Variants in ST6GALNAC5 observed in about 807,000 individuals in gnomAD.
The protein encoded by ST6GALNAC5 is alpha-N-acetylgalactosaminide alpha-2,6-sialyltransferase 5.
A neutral mutation model predicts 33.6 loss-of-function variants in ST6GALNAC5; 27 were observed. The observed-to-expected ratio is 0.80, with a 90% confidence interval of 0.59 to 1.11. The LOEUF is 1.11. Ranked by LOEUF, ST6GALNAC5 falls within the 50% of genes least tolerant of loss-of-function variation. The pLI is 0.00. For synonymous variants in ST6GALNAC5, 194 were observed against 171.2 expected (o/e 1.13, Z -1.04); for missense variants, 428 against 454.0 (o/e 0.94, Z 0.52).
At chr1:76,890,965 A>G (rs1448936992) in intron 2 of ST6GALNAC5, among the ~76,000 whole-genome samples, 2 of 152,192 alleles carry the variant, frequency 1.3e-5, no homozygotes, top group African/African-American at 4.8e-5. Flanking sequence ...GAAAACCTCA[A>G]TTCTCATATC....
intron 2 of ST6GALNAC5, among the ~76,000 whole-genome samples, chr1:77,034,664 A>G (rs962333543): frequency 6.6e-6 from 1 of 152,198 alleles, no homozygotes; most frequent in Non-Finnish European, 1.5e-5. Context: ...GAAATGCTGT[A>G]TAGCGATTCC....
At chr1:76,917,717 G>A (rs190187749) in intron 2 of ST6GALNAC5, among the ~76,000 whole-genome samples, 14 of 152,010 alleles carry the variant, frequency 9.2e-5, no homozygotes, top group African/African-American at 3.4e-4. Flanking sequence ...TGATTATGAG[G>A]CTAAGAAGTC....
chr1:77,042,211 T>C (rs748825412), intron 2 of ST6GALNAC5, among the ~76,000 whole-genome samples: 1 of 152,252 alleles, frequency 6.6e-6, no homozygotes, highest in Non-Finnish European at 1.5e-5. Context: ...CCTAACACAG[T>C]TGTGGCTGAA....
intron 2 of ST6GALNAC5, among the ~76,000 whole-genome samples, chr1:76,975,704 G>C (rs1048993066): frequency 3.3e-5 from 5 of 152,118 alleles, no homozygotes; most frequent in African/African-American, 1.2e-4. Context: ...TTTGCATAAA[G>C]TTTAAACATG....
chr1:76,972,962 T>C (rs1224906715), intron 2 of ST6GALNAC5, among the ~76,000 whole-genome samples: 1 of 152,046 alleles, frequency 6.6e-6, no homozygotes, highest in Non-Finnish European at 1.5e-5. Context: ...GTTCATCTCT[T>C]TTGCCCATTT....
intron 2 of ST6GALNAC5, among the ~76,000 whole-genome samples, chr1:76,916,696 C>G (rs1181399375): frequency 6.6e-6 from 1 of 151,236 alleles, no homozygotes; most frequent in East Asian, 1.9e-4. Flanking sequence ...GTGTCATAAG[C>G]CTTTTAAAAA....
Position 76,968,611 on chromosome 1 carries a change from G to T in ST6GALNAC5, c.262-75593G>T, listed in dbSNP as rs150325151. On this transcript the variant is annotated intron_variant, in intron 2 of 4. Transcript: ENST00000477717. ...GGTTAGTATTGTTGTGTGTTAATGT[G>T]ATCCAGTCATTATGATGTTAGCTGG... 2.3e-4 allele frequency among the ~76,000 whole-genome samples: 35 copies of T among 152,282 alleles called. No individual in the cohort carries two copies. The East Asian group carries it at 6.0e-3, about 26-fold the overall frequency.
chr1:77,063,254 A>G lies in ST6GALNAC5; in HGVS notation c.*48A>G, dbSNP rs375087888. On this transcript the variant is annotated 3_prime_UTR_variant, in exon 5 of 5. Coordinates refer to ENST00000477717, the MANE Select transcript of ST6GALNAC5 (RefSeq NM_030965.3). ...ATCCCAGGTATTCACTGCATCAGAC[A>G]CCGAGACACTGAACTTCCTGAGCCA... The G allele has an allele frequency of 5.6e-4, 861 of 1,547,254 alleles. No homozygotes were observed. The highest frequency in any genetic ancestry group is 6.8e-4 in the Non-Finnish European group (763 of 1,124,640).
chr1:76,978,516 G>A (rs1391375038), intron 2 of ST6GALNAC5, among the ~76,000 whole-genome samples: 2 of 152,076 alleles, frequency 1.3e-5, no homozygotes, highest in Non-Finnish European at 2.9e-5. Flanking sequence ...ACATAACCAA[G>A]AATAAAAACT....
chr1:76,874,414 T>C (rs1653579272), intron 2 of ST6GALNAC5, among the ~76,000 whole-genome samples: 1 of 152,170 alleles, frequency 6.6e-6, no homozygotes, highest in African/African-American at 2.4e-5. Context: ...TGTAAAGAGA[T>C]AAAGCTAATA....
At chr1:76,985,994 AC>A (rs1649479552) in intron 2 of ST6GALNAC5, among the ~76,000 whole-genome samples, 1 of 152,228 alleles carries the variant, frequency 6.6e-6, no homozygotes, top group South Asian at 2.1e-4. Context: ...TATACCTTAT[AC>A]AAAAATTAAT....
At chr1:76,909,390 T>C (rs1368969241) in intron 2 of ST6GALNAC5, among the ~76,000 whole-genome samples, 1 of 152,116 alleles carries the variant, frequency 6.6e-6, no homozygotes, top group Non-Finnish European at 1.5e-5. Flanking sequence ...TAAAGGATCA[T>C]CTTGCAGGGT....
At chr1:76,883,357 A>G (rs533925160) in intron 2 of ST6GALNAC5, among the ~76,000 whole-genome samples, 1 of 152,276 alleles carries the variant, frequency 6.6e-6, no homozygotes, top group South Asian at 2.1e-4. Context: ...AGAATTGAAA[A>G]CTGTATCTCA....
chr1:76,900,595 C>T (rs1233329481), intron 2 of ST6GALNAC5, among the ~76,000 whole-genome samples: 1 of 152,068 alleles, frequency 6.6e-6, no homozygotes, highest in Non-Finnish European at 1.5e-5. Flanking sequence ...TTAATAAATT[C>T]CTTTGATACC....
At chr1:77,034,243 A>G (rs1228551930) in intron 2 of ST6GALNAC5, among the ~76,000 whole-genome samples, 1 of 151,678 alleles carries the variant, frequency 6.6e-6, no homozygotes, top group Non-Finnish European at 1.5e-5. Context: ...TTGCCAGCGA[A>G]TCCTCCGTGT....
At chr1:76,887,271 T>C (rs1258316011) in intron 2 of ST6GALNAC5, among the ~76,000 whole-genome samples, 1 of 152,236 alleles carries the variant, frequency 6.6e-6, no homozygotes, top group Non-Finnish European at 1.5e-5. Flanking sequence ...GGGGAAGTGT[T>C]CCCATACTCC....
At chr1:76,950,605 A>C (rs1037621628) in intron 2 of ST6GALNAC5, among the ~76,000 whole-genome samples, 1 of 152,152 alleles carries the variant, frequency 6.6e-6, no homozygotes, top group Non-Finnish European at 1.5e-5. Context: ...TAACAGTTAT[A>C]TAAGGGAGAG....
At chr1:76,923,710 C>CA (rs767715257) in intron 2 of ST6GALNAC5, among the ~76,000 whole-genome samples, 1 of 151,636 alleles carries the variant, frequency 6.6e-6, no homozygotes. Context: ...CAAAACAAAA[C>CA]AAAAAAACAA....
chr1:76,887,938 C>T (rs1373408770), intron 2 of ST6GALNAC5, among the ~76,000 whole-genome samples: 1 of 152,096 alleles, frequency 6.6e-6, no homozygotes, highest in Non-Finnish European at 1.5e-5. Flanking sequence ...TCCCCTCCCA[C>T]CATACACACT....
Sources: gnomAD v4.1 joint callset for allele counts (sites outside exome capture counted in the v4.1 genomes callset) on GRCh38, gnomAD v4.1.1 for gene constraint, MANE v1.5 for transcripts, NCBI Gene and HGNC (gene_info 2026-07-23, HGNC 2026-07-21) for gene names.